Variants in PCMTD1 observed in about 807,000 individuals in gnomAD.
PCMTD1 encodes the protein protein-L-isoaspartate O-methyltransferase domain-containing protein 1.
In PCMTD1, 12 loss-of-function variants were observed where a neutral mutation model predicts 37.6. The observed-to-expected ratio is 0.32, with a 90% CI of 0.20 to 0.52. The LOEUF (loss-of-function observed/expected upper bound fraction) is 0.52. Ranked by LOEUF, PCMTD1 falls within the 20% of genes least tolerant of loss-of-function variation. The pLI is 0.97. For synonymous variants in PCMTD1, 117 were observed against 135.8 expected (o/e 0.86, Z 0.96); for missense variants, 235 against 421.3 (o/e 0.56, Z 3.87).
intron 1 of PCMTD1, chr8:51,896,037 G>C (rs773163645): frequency 2.1e-5 from 3 of 142,954 alleles, no homozygotes; most frequent in Non-Finnish European, 3.0e-5. Context: ...CCTCTGACTC[G>C]CAGGTTCAAG....
intron 1 of PCMTD1, 31 bp downstream of exon 1, chr8:51,898,899 G>C: frequency 7.6e-7 from 1 of 1,308,006 alleles, no homozygotes; most frequent in South Asian, 2.2e-5. Flanking sequence ...CACACCCCAC[G>C]ACCCCGAGCC....
At chr8:51,868,579 A>T (rs569119578) in intron 1 of PCMTD1, among the ~76,000 whole-genome samples, 5 of 152,296 alleles carry the variant, frequency 3.3e-5, no homozygotes, top group Admixed American at 1.3e-4. Context: ...TTATAGAGAG[A>T]GCACAGATGA....
At chr8:51,875,991 C>A (rs538977614) in intron 1 of PCMTD1, among the ~76,000 whole-genome samples, 1 of 152,192 alleles carries the variant, frequency 6.6e-6, no homozygotes, top group East Asian at 1.9e-4. Context: ...TGTGCGTGCA[C>A]GCATGCGTGT....
At chr8:51,878,061 T>C (rs2129291150) in intron 1 of PCMTD1, among the ~76,000 whole-genome samples, 1 of 152,292 alleles carries the variant, frequency 6.6e-6, no homozygotes, top group South Asian at 2.1e-4. Context: ...TGCCAGTTCT[T>C]CTACAAGCTT....
chr8:51,860,744 A>G, intron 2 of PCMTD1, 101 bp downstream of exon 2: 4 of 1,011,688 alleles, frequency 4.0e-6, no homozygotes, highest in Non-Finnish European at 5.6e-6. Flanking sequence ...GTGTATACAC[A>G]TTCAAACATA....
intron 3 of PCMTD1, among the ~76,000 whole-genome samples, chr8:51,837,068 G>T (rs2038079261): frequency 6.6e-6 from 1 of 152,096 alleles, no homozygotes; most frequent in Admixed American, 6.6e-5. Context: ...GGGCCAGGGG[G>T]GCCTTTCTGA....
intron 2 of PCMTD1, among the ~76,000 whole-genome samples, chr8:51,852,301 G>A (rs929902018): frequency 8.5e-5 from 13 of 152,126 alleles, no homozygotes; most frequent in African/African-American, 2.9e-4. Flanking sequence ...GGTTCACAAC[G>A]AAGACTGAAA....
intron 2 of PCMTD1, among the ~76,000 whole-genome samples, chr8:51,846,720 C>T (rs937487805): frequency 1.2e-4 from 18 of 151,720 alleles, no homozygotes; most frequent in Non-Finnish European, 7.4e-5. Context: ...TTTCTACTGA[C>T]CATTAGGTAC....
intron 2 of PCMTD1, among the ~76,000 whole-genome samples, chr8:51,857,365 G>A (rs1181537535): frequency 2.6e-5 from 4 of 152,184 alleles, no homozygotes; most frequent in Non-Finnish European, 4.4e-5. Context: ...TGTATTATAT[G>A]TTTTATAAGA....
chr8:51,895,469 T>A (rs1023767898), intron 1 of PCMTD1, among the ~76,000 whole-genome samples: 3 of 152,218 alleles, frequency 2.0e-5, no homozygotes, highest in African/African-American at 7.2e-5. Context: ...TTTTAAGCTC[T>A]AGAAATCATA....
At chr8:51,864,053 AC>A (rs1258820145) in intron 1 of PCMTD1, among the ~76,000 whole-genome samples, 187 of 152,316 alleles carry the variant, frequency 1.2e-3, no homozygotes, top group Middle Eastern at 6.8e-3. Context: ...GCCTTAGGAC[AC>A]ACACAGACTG....
intron 2 of PCMTD1, among the ~76,000 whole-genome samples, chr8:51,853,085 C>A (rs552642599): frequency 1.3e-5 from 2 of 152,124 alleles, no homozygotes; most frequent in African/African-American, 2.4e-5. Flanking sequence ...TGAAGAAAGA[C>A]GAAAGATTCA....
At chr8:51,848,419 A>G (rs1425129240) in intron 2 of PCMTD1, among the ~76,000 whole-genome samples, 1 of 152,162 alleles carries the variant, frequency 6.6e-6, no homozygotes, top group South Asian at 2.1e-4. Context: ...CATGTTTCCT[A>G]TAAGACAGAA....
intron 3 of PCMTD1, among the ~76,000 whole-genome samples, chr8:51,835,685 T>G (rs2038058041): frequency 6.6e-6 from 1 of 152,172 alleles, no homozygotes. Flanking sequence ...AATTAAAAAT[T>G]TTTGAATTAT....
intron 1 of PCMTD1, among the ~76,000 whole-genome samples, chr8:51,898,437 C>T (rs970372869): frequency 6.6e-6 from 1 of 152,150 alleles, no homozygotes; most frequent in Admixed American, 6.5e-5. Context: ...CCCGAGACTT[C>T]CCCGAGTCTA....
chr8:51,896,883 CAAA>C (rs34125033), intron 1 of PCMTD1, among the ~76,000 whole-genome samples: 2 of 128,970 alleles, frequency 1.6e-5, no homozygotes, highest in Non-Finnish European at 3.1e-5. Context: ...CGCACTATTA[CAAA>C]AAAAAAAAAA....
chr8:51,832,423 G>A (rs796143965), intron 4 of PCMTD1, among the ~76,000 whole-genome samples: 1 of 152,144 alleles, frequency 6.6e-6, no homozygotes, highest in East Asian at 1.9e-4. Context: ...CATGGTGATA[G>A]TGAGATCCAC....
At chr8:51,869,243 A>C (rs1194446589) in intron 1 of PCMTD1, among the ~76,000 whole-genome samples, 1 of 152,144 alleles carries the variant, frequency 6.6e-6, no homozygotes, top group Non-Finnish European at 1.5e-5. Context: ...CACTAATAAA[A>C]ACCCAGTGTA....
chr8:51,872,071 A>G (rs2038647526), intron 1 of PCMTD1, among the ~76,000 whole-genome samples: 1 of 152,230 alleles, frequency 6.6e-6, no homozygotes, highest in Admixed American at 6.5e-5. Flanking sequence ...TGGTAGTTCT[A>G]TGACAGTTTT....
Sources: gnomAD v4.1 joint callset for allele counts (sites outside exome capture counted in the v4.1 genomes callset) on GRCh38, gnomAD v4.1.1 for gene constraint, MANE v1.5 for transcripts, NCBI Gene and HGNC (gene_info 2026-07-23, HGNC 2026-07-21) for gene names.